Variants in KCNJ15 observed in about 807,000 individuals in gnomAD.
The protein encoded by KCNJ15 is ATP-sensitive inward rectifier potassium channel 15.
In KCNJ15, 14 loss-of-function variants were observed where a neutral mutation model predicts 23.0. The ratio of observed to expected loss-of-function variants is 0.61; its 90% CI spans 0.40 to 0.95. KCNJ15 has a LOEUF of 0.95. KCNJ15 is among the 40% of genes least tolerant of loss of function. The pLI is 0.00. For synonymous variants in KCNJ15, 185 were observed against 183.2 expected, an observed-to-expected ratio of 1.01 and a Z score of -0.08; for missense variants, 388 against 461.8, an observed-to-expected ratio of 0.84 and a Z score of 1.46.
chr21:38,281,676 G>A (rs1332918429), intron 1 of KCNJ15, among the ~76,000 whole-genome samples: 3 of 152,166 alleles, frequency 2.0e-5, no homozygotes, highest in Non-Finnish European at 4.4e-5. Context: ...CTACATTTAT[G>A]GGCACCTGGC....
chr21:38,280,788 C>T (rs1003764797), intron 1 of KCNJ15, among the ~76,000 whole-genome samples: 1 of 152,144 alleles, frequency 6.6e-6, no homozygotes. Context: ...CAGCAAGCTC[C>T]TCAGTGGCTC....
chr21:38,282,115 AAT>A (rs1420061774), intron 1 of KCNJ15, among the ~76,000 whole-genome samples: 1 of 152,066 alleles, frequency 6.6e-6, no homozygotes, highest in Non-Finnish European at 1.5e-5. Context: ...TAAATGGAGC[AAT>A]ATGTTTTTTG....
intron 1 of KCNJ15, among the ~76,000 whole-genome samples, chr21:38,267,654 GAAAC>G (rs1981603603): frequency 6.6e-6 from 1 of 152,110 alleles, no homozygotes; most frequent in South Asian, 2.1e-4. Context: ...TTGAAGGGAA[GAAAC>G]AGTGGAATAG....
intron 1 of KCNJ15, among the ~76,000 whole-genome samples, chr21:38,245,183 G>A (rs535914622): frequency 2.6e-5 from 4 of 152,054 alleles, no homozygotes; most frequent in African/African-American, 9.6e-5. Context: ...ATTCTACGTC[G>A]GAGTTTACCG....
intron 1 of KCNJ15, among the ~76,000 whole-genome samples, chr21:38,230,758 C>T (rs1429730438): frequency 6.6e-6 from 1 of 152,006 alleles, no homozygotes; most frequent in Admixed American, 6.6e-5. Context: ...TACTTTTGGG[C>T]TTTCAATTTT....
chr21:38,276,452 C>T (rs917225107), intron 1 of KCNJ15, among the ~76,000 whole-genome samples: 4 of 152,018 alleles, frequency 2.6e-5, no homozygotes, highest in Admixed American at 2.6e-4. Context: ...CTCAATCACC[C>T]ATTCTATGTT....
At position 38,302,612 on chromosome 21, in the gene KCNJ15, A is replaced by G. The variant is rs928660084; in HGVS notation, c.*2223A>G. The G allele has an allele frequency of 1.3e-5, 2 of 152,166 alleles. No individual in the cohort carries two copies. Among genetic ancestry groups the G allele is most frequent in the Non-Finnish European group, 2.9e-5 (2 of 68,024 alleles). 9.4% of individuals were successfully genotyped at this position (152,166 alleles called of 1,614,324 possible). A position where few individuals can be genotyped will look rare whatever the true frequency, so the allele number is the denominator to read the frequency against. On this transcript the variant is annotated 3_prime_UTR_variant, in exon 3 of 3. Coordinates refer to ENST00000398938, the MANE Select transcript of KCNJ15 (RefSeq NM_170736.3). Reference sequence around the variant, plus strand: ...TTATTATACTTGCTATTTTTACTGTATAGTGTGGTATAATCAACAAAAAAT... The same window carrying G: ...TTATTATACTTGCTATTTTTACTGTGTAGTGTGGTATAATCAACAAAAAAT...
chr21:38,231,262 A>G lies in KCNJ15; in HGVS notation c.-398-25784A>G, dbSNP rs183162406. On this transcript the variant is annotated intron_variant, in intron 1 of 4. Coordinates refer to the KCNJ15 transcript ENST00000547341. ...TTTTCAGATTCTTCATTGCTAGCCTATAACAATGCAATTAATTTGTGTATA... is the reference window on the plus strand; with the variant it reads ...TTTTCAGATTCTTCATTGCTAGCCTGTAACAATGCAATTAATTTGTGTATA... Among the ~76,000 whole-genome samples, 14 of 152,116 alleles carry G rather than the reference A, an allele frequency of 9.2e-5. No individual in the cohort carries two copies. The East Asian group carries it at 2.7e-3, about 29-fold the overall frequency.
intron 2 of KCNJ15, chr21:38,298,074 C>T (rs1477230867): frequency 6.6e-6 from 1 of 152,090 alleles, no homozygotes; most frequent in African/African-American, 2.4e-5. Context: ...CCTAAAATAC[C>T]AATGAGGTGA....
At chr21:38,292,810 A>G (rs1228069605) in intron 1 of KCNJ15, among the ~76,000 whole-genome samples, 1 of 152,006 alleles carries the variant, frequency 6.6e-6, no homozygotes, top group Non-Finnish European at 1.5e-5. Context: ...CTCTACTAAA[A>G]ATACAAAAAT....
At chr21:38,258,473 C>T (rs1007015613) in intron 1 of KCNJ15, among the ~76,000 whole-genome samples, 2 of 152,172 alleles carry the variant, frequency 1.3e-5, no homozygotes, top group Admixed American at 6.5e-5. Flanking sequence ...CAGTTTTTCT[C>T]CTTCTCTGTT....
chr21:38,277,485 A>T (rs1189484203), intron 1 of KCNJ15, among the ~76,000 whole-genome samples: 2 of 152,240 alleles, frequency 1.3e-5, no homozygotes, highest in Non-Finnish European at 2.9e-5. Context: ...CTAATCCTAC[A>T]AGTAACTGCA....
chr21:38,288,049 T>TTTTTTTTTTTTTTTTTTTTTTTTTTTTTC, intron 1 of KCNJ15, among the ~76,000 whole-genome samples: 1 of 103,992 alleles, frequency 9.6e-6, no homozygotes, highest in Admixed American at 1.0e-4. Flanking sequence ...TTTTTTTTTT[T>TTTTTTTTTTTTTTTTTTTTTTTTTTTTTC]TTTTTTTTTG....
chr21:38,253,216 C>T (rs1445845989), upstream of KCNJ15, among the ~76,000 whole-genome samples: 1 of 152,220 alleles, frequency 6.6e-6, no homozygotes, highest in South Asian at 2.1e-4. Context: ...GGGAGTACTA[C>T]TTTAATAAAT....
chr21:38,254,699 G>A (rs537099516), upstream of KCNJ15, among the ~76,000 whole-genome samples: 12 of 152,232 alleles, frequency 7.9e-5, no homozygotes, highest in East Asian at 3.9e-4. Flanking sequence ...TCAATTCATC[G>A]CTCTGTAGCT....
intron 1 of KCNJ15, among the ~76,000 whole-genome samples, chr21:38,232,467 G>A (rs193291803): frequency 6.6e-6 from 1 of 151,574 alleles, no homozygotes; most frequent in Non-Finnish European, 1.5e-5. Flanking sequence ...TATTTTTTAT[G>A]TATTACTTTC....
At chr21:38,286,671 C>A (rs1272798683) in intron 1 of KCNJ15, among the ~76,000 whole-genome samples, 2 of 152,124 alleles carry the variant, frequency 1.3e-5, no homozygotes, top group Admixed American at 6.5e-5. Flanking sequence ...TGTGATATTA[C>A]CAGAATTACT....
chr21:38,254,383 A>T (rs1054794362), upstream of KCNJ15, among the ~76,000 whole-genome samples: 1 of 152,228 alleles, frequency 6.6e-6, no homozygotes, highest in South Asian at 2.1e-4. Flanking sequence ...ACAGGTAAAC[A>T]TCACCAAAAT....
chr21:38,292,317 G>T (rs933358211), intron 1 of KCNJ15, among the ~76,000 whole-genome samples: 3 of 152,152 alleles, frequency 2.0e-5, no homozygotes, highest in Admixed American at 6.5e-5. Flanking sequence ...ACCCTTTTAA[G>T]TTGTCCCTTC....
Sources: allele counts gnomAD v4.1 joint callset (sites outside exome capture counted in the v4.1 genomes callset), GRCh38; gene constraint gnomAD v4.1.1; transcripts MANE v1.5; gene names NCBI Gene and HGNC (gene_info 2026-07-23, HGNC 2026-07-21).